The following TRIM37 variants were observed in gnomAD, a reference collection of about 807,000 sequenced individuals.
TRIM37 encodes the protein tripartite motif containing 37.
Under a neutral mutation model 129.8 loss-of-function variants are expected in TRIM37, and 80 were observed. The ratio of observed to expected loss-of-function variants is 0.62; its 90% CI spans 0.51 to 0.74. The LOEUF (loss-of-function observed/expected upper bound fraction) is 0.74, where lower values mean the gene tolerates loss of function less well. Among genes scored for constraint, TRIM37 ranks in the 30% least tolerant of loss-of-function variants. The pLI is 0.00. For missense variants in TRIM37, 1,054 were observed against 1,176.5 expected (o/e 0.90, Z 1.52); for synonymous variants, 389 against 387.1 (o/e 1.00, Z -0.06).
the TRIM37 span, among the ~76,000 whole-genome samples, chr17:58,974,111 GGAGT>G: frequency 1.3e-5 from 2 of 152,076 alleles, no homozygotes; most frequent in African/African-American, 2.4e-5. Context: ...CTGGGCCAAG[GGAGT>G]GAGATCCTGT....
intron 4 of TRIM37, chr17:59,088,046 T>C (rs913799052): frequency 2.5e-5 from 15 of 597,266 alleles, no homozygotes; most frequent in African/African-American, 1.9e-4. Flanking sequence ...AGCAAAGTAC[T>C]TTCTGTGTGG....
At chr17:59,017,140 G>C (rs920530801) in intron 20 of TRIM37, among the ~76,000 whole-genome samples, 156 bp downstream of exon 20, 1 of 152,124 alleles carries the variant, frequency 6.6e-6, no homozygotes, top group Non-Finnish European at 1.5e-5. Context: ...CTCCAGCCTG[G>C]GTGACAAAGT....
intron 2 of TRIM37, among the ~76,000 whole-genome samples, chr17:59,102,148 G>C (rs1410993537): frequency 6.6e-6 from 1 of 152,158 alleles, no homozygotes; most frequent in African/African-American, 2.4e-5. Context: ...CATACACACA[G>C]AGATGATAGC....
chr17:59,060,721 A>ACAGATTTCATACATGTATTT (rs1381001488), intron 12 of TRIM37, among the ~76,000 whole-genome samples: 1 of 152,222 alleles, frequency 6.6e-6, no homozygotes, highest in African/African-American at 2.4e-5. Flanking sequence ...AACTCTGCAG[A>ACAGATTTCATACATGTATTT]CAGATTTCAT....
At chr17:59,030,050 C>T (rs2037670849) in intron 18 of TRIM37, among the ~76,000 whole-genome samples, 1 of 152,148 alleles carries the variant, frequency 6.6e-6, no homozygotes, top group African/African-American at 2.4e-5. Context: ...CCTTTGCAAT[C>T]TCACACCCTT....
chr17:59,102,906 C>T (rs1385987669), intron 2 of TRIM37, among the ~76,000 whole-genome samples: 5 of 151,972 alleles, frequency 3.3e-5, no homozygotes, highest in African/African-American at 1.2e-4. Flanking sequence ...CGAAGTCTCG[C>T]TCTGTCGCCA....
chr17:58,970,338 G>A, the TRIM37 span, among the ~76,000 whole-genome samples: 2 of 152,074 alleles, frequency 1.3e-5, no homozygotes, highest in African/African-American at 2.4e-5. Flanking sequence ...CTATATTAAG[G>A]TCTAAAAGTA....
intron 2 of TRIM37, among the ~76,000 whole-genome samples, chr17:59,094,772 AAAAC>A (rs1293499420): frequency 1.3e-5 from 2 of 152,212 alleles, no homozygotes; most frequent in Non-Finnish European, 2.9e-5. Flanking sequence ...AACAAAAACA[AAAAC>A]AAAACAAAAA....
At chr17:59,077,453 C>T (rs1198973976) in intron 7 of TRIM37, among the ~76,000 whole-genome samples, 4 of 152,074 alleles carry the variant, frequency 2.6e-5, no homozygotes, top group Admixed American at 6.6e-5. Flanking sequence ...TCTACTATAA[C>T]CACATCCCAC....
At chr17:59,094,556 C>T (rs34097494) in intron 2 of TRIM37, among the ~76,000 whole-genome samples, 37,003 of 151,644 alleles carry the variant, frequency 0.24, 4,832 homozygotes, top group African/African-American at 0.34. Context: ...CCTGCAAAAC[C>T]GCTCTAAGGG....
chr17:59,104,168 C>A (rs964449685), intron 2 of TRIM37, 125 bp downstream of exon 2: 18 of 807,740 alleles, frequency 2.2e-5, no homozygotes, highest in Non-Finnish European at 3.3e-5. Context: ...TATTCCTCAA[C>A]CCCAAGCACA....
chr17:59,085,085 G>C (rs2043633008), intron 4 of TRIM37, among the ~76,000 whole-genome samples: 1 of 152,170 alleles, frequency 6.6e-6, no homozygotes, highest in Non-Finnish European at 1.5e-5. Flanking sequence ...AGCACTTTAG[G>C]AGGCCAAGGC....
At chr17:59,041,715 G>A (rs999636134) in intron 17 of TRIM37, 98 bp downstream of exon 17, 3 of 879,794 alleles carry the variant, frequency 3.4e-6, no homozygotes, top group Non-Finnish European at 5.7e-6. Context: ...CATGAACCAT[G>A]TACAAGCAGT....
At chr17:59,068,725 C>T (rs1294152000) in intron 9 of TRIM37, among the ~76,000 whole-genome samples, 1 of 152,144 alleles carries the variant, frequency 6.6e-6, no homozygotes, top group East Asian at 1.9e-4. Context: ...GAAAGGAAGA[C>T]TTCTACTGGT....
chr17:58,967,737 G>A, the TRIM37 span, among the ~76,000 whole-genome samples: 3 of 150,450 alleles, frequency 2.0e-5, no homozygotes, highest in Non-Finnish European at 4.4e-5. Flanking sequence ...GTGCTATTTC[G>A]AGTTGTTTAA....
intron 5 of TRIM37, among the ~76,000 whole-genome samples, chr17:59,083,626 A>G (rs1386072210): frequency 2.0e-5 from 3 of 152,188 alleles, no homozygotes; most frequent in Non-Finnish European, 4.4e-5. Context: ...AGGCGTACTC[A>G]TGTTGTTTCA....
intron 2 of TRIM37, among the ~76,000 whole-genome samples, chr17:59,093,648 T>C (rs915442247): frequency 6.6e-6 from 1 of 152,308 alleles, no homozygotes; most frequent in Non-Finnish European, 1.5e-5. Flanking sequence ...ACTGGGACTA[T>C]GATAGGGAGT....
downstream of TRIM37, among the ~76,000 whole-genome samples, chr17:58,994,818 C>A (rs1378550784): frequency 6.6e-6 from 1 of 151,272 alleles, no homozygotes; most frequent in African/African-American, 2.4e-5. Context: ...GGCACGATCT[C>A]GGCTCACTGC....
At chr17:59,043,176 A>C (rs1425975246) in intron 16 of TRIM37, among the ~76,000 whole-genome samples, 1 of 152,204 alleles carries the variant, frequency 6.6e-6, no homozygotes, top group Non-Finnish European at 1.5e-5. Context: ...TATTTTAAAC[A>C]ACATACTACT....
Sources: allele counts gnomAD v4.1 joint callset (sites outside exome capture counted in the v4.1 genomes callset), GRCh38; gene constraint gnomAD v4.1.1; transcripts MANE v1.5; gene names NCBI Gene and HGNC (gene_info 2026-07-23, HGNC 2026-07-21).